SLIT1: variants seen among roughly 807,000 people sequenced by gnomAD.
The protein encoded by SLIT1 is slit homolog 1 protein.
A neutral mutation model predicts 186.1 loss-of-function variants in SLIT1; 66 were observed. The ratio of observed to expected loss-of-function variants is 0.35; its 90% CI spans 0.29 to 0.44. SLIT1 has a LOEUF of 0.44. SLIT1 is among the 20% of genes least tolerant of loss of function. The probability of loss-of-function intolerance (pLI) is 1.00; values close to 1 mark genes in which losing one functional copy is unlikely to be tolerated. For synonymous variants in SLIT1, 761 were observed against 833.8 expected (o/e 0.91, Z 1.50); for missense variants, 1,638 against 2,037.4 (o/e 0.80, Z 3.77).
At chr10:97,165,715 A>T (rs1465374512) in intron 1 of SLIT1, among the ~76,000 whole-genome samples, 1 of 152,126 alleles carries the variant, frequency 6.6e-6, no homozygotes, top group Non-Finnish European at 1.5e-5. Flanking sequence ...GGGGGGCCTG[A>T]CAGGAGGCCA....
At chr10:97,017,805 C>T (rs983022334) in intron 28 of SLIT1, among the ~76,000 whole-genome samples, 3 of 151,020 alleles carry the variant, frequency 2.0e-5, no homozygotes, top group Non-Finnish European at 4.4e-5. Flanking sequence ...GCAGGCTCTT[C>T]GAGGGAGATT....
chr10:97,113,557 GTT>G (rs61679099), intron 4 of SLIT1, among the ~76,000 whole-genome samples: 10 of 129,652 alleles, frequency 7.7e-5, no homozygotes, highest in South Asian at 2.5e-4. Flanking sequence ...TTTCTTTTAG[GTT>G]TTTTTTTTTT....
chr10:97,128,887 C>T (rs1333480288), intron 4 of SLIT1, among the ~76,000 whole-genome samples: 1 of 151,938 alleles, frequency 6.6e-6, no homozygotes, highest in Non-Finnish European at 1.5e-5. Flanking sequence ...AGCCCCATTC[C>T]TTCCGTGTTC....
At chr10:97,172,975 G>A (rs1404171285) in intron 1 of SLIT1, among the ~76,000 whole-genome samples, 1 of 152,048 alleles carries the variant, frequency 6.6e-6, no homozygotes, top group Non-Finnish European at 1.5e-5. Flanking sequence ...AAGAGAGAGA[G>A]AGGAAAAGAA....
intron 1 of SLIT1, among the ~76,000 whole-genome samples, chr10:97,176,937 C>T (rs1017044656): frequency 2.0e-5 from 3 of 152,198 alleles, no homozygotes; most frequent in Admixed American, 1.3e-4. Flanking sequence ...GTGTGTGAGT[C>T]CTCGAAGGAT....
chr10:97,057,731 GA>G, intron 11 of SLIT1: 1 of 455,512 alleles, frequency 2.2e-6, no homozygotes, highest in South Asian at 3.6e-5. Context: ...GTGAGATCCG[GA>G]TGGTGGGACT....
At chr10:97,057,763 C>T in intron 11 of SLIT1, 12 of 471,600 alleles carry the variant, frequency 2.5e-5, no homozygotes, top group African/African-American at 5.8e-5. Flanking sequence ...TTTTTTTATA[C>T]TTTAGCATTT....
At chr10:97,133,166 A>T (rs1022256259) in intron 4 of SLIT1, among the ~76,000 whole-genome samples, 9 of 152,316 alleles carry the variant, frequency 5.9e-5, no homozygotes, top group African/African-American at 2.2e-4. Context: ...ATGGAATATT[A>T]TTCAGCTTAA....
intron 21 of SLIT1, 59 bp from the exon 22 acceptor site, chr10:97,037,825 T>C: frequency 3.5e-6 from 5 of 1,438,294 alleles, no homozygotes; most frequent in Non-Finnish European, 4.8e-6. Context: ...TGCCCCATGC[T>C]GGGGACAGCC....
chr10:97,130,918 C>T (rs1849647183), intron 4 of SLIT1, among the ~76,000 whole-genome samples: 1 of 152,132 alleles, frequency 6.6e-6, no homozygotes. Flanking sequence ...TAGATTTTCT[C>T]AGGGAACATG....
At chr10:97,130,294 A>G (rs552049500) in intron 4 of SLIT1, among the ~76,000 whole-genome samples, 1 of 152,376 alleles carries the variant, frequency 6.6e-6, no homozygotes, top group African/African-American at 2.4e-5. Flanking sequence ...AGGGACTCAA[A>G]CAGATACTTG....
At position 97,102,433 on chromosome 10, in the gene SLIT1, AAAAAAGAAAGAAAGAAAG is replaced by A. The variant is rs1849367253; in HGVS notation, c.414-36365_414-36348del. 4.3e-5 allele frequency: 6 copies of A among 139,160 alleles called. No individual in the cohort carries two copies. The South Asian group carries it at 1.5e-3, about 34-fold the overall frequency. The allele number at this position is 139,160 out of a possible 1,614,324, so 8.6% of individuals were successfully genotyped here. On this transcript the variant is annotated intron_variant, in intron 4 of 36. Transcript: ENST00000266058. Reference sequence around the variant, plus strand: ...GAGTAAGACTCCGTCAAAAAAAAAAAAAAAAGAAAGAAAGAAAGAAAAAAGAAAAAAAAAAGCTGTGAG... The same window carrying A: ...GAGTAAGACTCCGTCAAAAAAAAAAAAAAAAAGAAAAAAAAAAGCTGTGAG...
Position 97,001,244 on chromosome 10 carries a change from C to A in SLIT1, c.4473G>T (p.Ser1491=), listed in dbSNP as rs142058577. Residue 1491 remains serine, a synonymous_variant, in exon 37 of 37, where the codon TCG becomes TCT. Coordinates refer to ENST00000266058, the MANE Select transcript of SLIT1 (RefSeq NM_003061.3). ...RPLSWVECRG[S]CPGQGCCQGL... ...CCTGGCAGCAGCCCTGGCCTGGGCACGAGCCCCGGCACTCCACCCATGACA... is the reference window on the plus strand; with the variant it reads ...CCTGGCAGCAGCCCTGGCCTGGGCAAGAGCCCCGGCACTCCACCCATGACA... 1 of 1,613,162 alleles carries A rather than the reference C, an allele frequency of 6.2e-7. No homozygotes were observed. Among genetic ancestry groups the A allele is most frequent in the Non-Finnish European group, 8.5e-7 (1 of 1,179,944 alleles).
chr10:97,058,306 G>A (rs988244613), intron 11 of SLIT1, among the ~76,000 whole-genome samples: 16 of 152,190 alleles, frequency 1.1e-4, no homozygotes, highest in African/African-American at 3.9e-4. Flanking sequence ...GGGTGTACTG[G>A]AATCATCCAC....
intron 4 of SLIT1, among the ~76,000 whole-genome samples, chr10:97,084,766 T>C (rs1447389548): frequency 1.4e-5 from 2 of 145,726 alleles, no homozygotes; most frequent in East Asian, 2.1e-4. Context: ...CCACCACGCT[T>C]GGCTAATTTT....
chr10:97,121,041 C>G (rs1849556286), intron 4 of SLIT1, among the ~76,000 whole-genome samples: 1 of 152,166 alleles, frequency 6.6e-6, no homozygotes, highest in Non-Finnish European at 1.5e-5. Context: ...CTGGAAGTGC[C>G]AGCATCTCAC....
chr10:97,185,004 C>G (rs1156330239), intron 1 of SLIT1, among the ~76,000 whole-genome samples: 1 of 152,252 alleles, frequency 6.6e-6, no homozygotes, highest in Non-Finnish European at 1.5e-5. Context: ...CGCCTCCATC[C>G]CACCCTGCTG....
chr10:97,035,131 T>C (rs1589369544), intron 22 of SLIT1, among the ~76,000 whole-genome samples: 1 of 130,758 alleles, frequency 7.6e-6, no homozygotes, highest in African/African-American at 3.1e-5. Flanking sequence ...CTCTCTTCTC[T>C]TCTCAAAACT....
chr10:97,092,590 A>G (rs114903095), intron 4 of SLIT1, among the ~76,000 whole-genome samples: 3,193 of 152,332 alleles, frequency 0.021, 129 homozygotes, highest in African/African-American at 0.072. Context: ...ACCCAGCACA[A>G]TGGGACTCTC....
Sources: allele counts gnomAD v4.1 joint callset (sites outside exome capture counted in the v4.1 genomes callset), GRCh38; gene constraint gnomAD v4.1.1; transcripts MANE v1.5; gene names NCBI Gene and HGNC (gene_info 2026-07-23, HGNC 2026-07-21).